The following NALF1 variants were observed in gnomAD, a reference collection of about 807,000 sequenced individuals.
NALF1 encodes the protein family with sequence similarity 155 member A.
In NALF1, 3 loss-of-function variants were observed where a neutral mutation model predicts 48.4. The ratio of observed to expected loss-of-function variants is 0.06; its 90% confidence interval spans 0.03 to 0.16. NALF1 has a LOEUF of 0.16. Among genes scored for constraint, NALF1 ranks in the 10% least tolerant of loss-of-function variants. The pLI, the probability that NALF1 is intolerant of heterozygous loss-of-function variation, is 1.00. For synonymous variants in NALF1, 262 were observed against 245.7 expected (o/e 1.07, Z -0.62); for missense variants, 526 against 571.5 (o/e 0.92, Z 0.81).
At chr13:107,646,405 G>A (rs1174110763) in intron 1 of NALF1, among the ~76,000 whole-genome samples, 1 of 151,868 alleles carries the variant, frequency 6.6e-6, no homozygotes, top group African/African-American at 2.4e-5. Context: ...AATGTCATCT[G>A]ATGGGATTTT....
intron 1 of NALF1, among the ~76,000 whole-genome samples, chr13:107,818,576 T>G (rs1353014319): frequency 6.6e-6 from 1 of 151,778 alleles, no homozygotes; most frequent in Non-Finnish European, 1.5e-5. Context: ...GAATTGGTCT[T>G]AAAAATCCAG....
chr13:107,655,525 G>C (rs189155839), intron 1 of NALF1, among the ~76,000 whole-genome samples: 1 of 152,122 alleles, frequency 6.6e-6, no homozygotes, highest in East Asian at 1.9e-4. Flanking sequence ...CAAACAAATG[G>C]AAACACATCC....
chr13:107,558,253 AC>A (rs1877539626), intron 1 of NALF1, among the ~76,000 whole-genome samples: 1 of 152,094 alleles, frequency 6.6e-6, no homozygotes, highest in African/African-American at 2.4e-5. Context: ...TGTTTGTGTT[AC>A]CAATTATTTT....
chr13:107,200,241 C>T (rs1879483405), intron 2 of NALF1, among the ~76,000 whole-genome samples: 2 of 152,166 alleles, frequency 1.3e-5, no homozygotes. Flanking sequence ...TCCTGGGAGC[C>T]ACAGTTACTT....
intron 1 of NALF1, among the ~76,000 whole-genome samples, chr13:107,286,480 A>G (rs1881494818): frequency 6.6e-6 from 1 of 151,776 alleles, no homozygotes; most frequent in African/African-American, 2.4e-5. Context: ...TAAAAAAAAT[A>G]CAAAAATTAT....
intron 1 of NALF1, among the ~76,000 whole-genome samples, chr13:107,789,532 C>T (rs1878169246): frequency 6.6e-6 from 1 of 152,170 alleles, no homozygotes; most frequent in Non-Finnish European, 1.5e-5. Context: ...ATGAGATATA[C>T]AGGCTAGAAA....
intron 1 of NALF1, among the ~76,000 whole-genome samples, chr13:107,730,556 G>A (rs1020189463): frequency 2.0e-5 from 3 of 152,106 alleles, no homozygotes; most frequent in African/African-American, 7.2e-5. Context: ...AATTCCTAAT[G>A]TTCCAAACTA....
At chr13:107,439,963 C>A (rs1240299059) in intron 1 of NALF1, among the ~76,000 whole-genome samples, 1 of 152,130 alleles carries the variant, frequency 6.6e-6, no homozygotes, top group Non-Finnish European at 1.5e-5. Context: ...GAAAAAAAAC[C>A]TACCTGCTTT....
chr13:107,187,822 C>A (rs1046017782), intron 2 of NALF1, among the ~76,000 whole-genome samples: 25 of 152,162 alleles, frequency 1.6e-4, no homozygotes, highest in African/African-American at 5.8e-4. Flanking sequence ...ATTCTCAACT[C>A]TGGCCTCTGT....
At chr13:107,621,280 T>C (rs1879510840) in intron 1 of NALF1, among the ~76,000 whole-genome samples, 1 of 152,198 alleles carries the variant, frequency 6.6e-6, no homozygotes. Flanking sequence ...TTTAAGTTAA[T>C]TTTTTCTAGT....
In NALF1 at chr13:107,288,526, C is replaced by CTT. The variant is rs368901866; in HGVS notation, c.916-77773_916-77772dup. ...TGAGCCACCGCGCCCAGCCTGAAAACTTTTTTTTTTTTTTTTGAGATGGTG... is the reference window on the plus strand; with the variant it reads ...TGAGCCACCGCGCCCAGCCTGAAAACTTTTTTTTTTTTTTTTTTGAGATGGTG... On this transcript the variant is annotated intron_variant, in intron 1 of 2. Transcript: ENST00000375915. 4.8e-3 allele frequency among the ~76,000 whole-genome samples: 569 copies of CTT among 119,112 alleles called. 5 individuals carry two copies. Among genetic ancestry groups the CTT allele is most frequent in the Middle Eastern group, 0.032 (5 of 156 alleles). The allele number at this position is 119,112 out of a possible 152,430, so 78.1% of individuals were successfully genotyped here.
At chr13:107,494,796 A>G (rs1220123713) in intron 1 of NALF1, among the ~76,000 whole-genome samples, 1 of 152,250 alleles carries the variant, frequency 6.6e-6, no homozygotes, top group Non-Finnish European at 1.5e-5. Context: ...GTGATTTTTA[A>G]TGACAGATAG....
intron 1 of NALF1, among the ~76,000 whole-genome samples, chr13:107,307,253 T>C (rs1481819034): frequency 6.6e-6 from 1 of 152,096 alleles, no homozygotes; most frequent in Non-Finnish European, 1.5e-5. Flanking sequence ...AGGTTGGAAA[T>C]CCCAGTGTCC....
intron 1 of NALF1, among the ~76,000 whole-genome samples, chr13:107,797,891 A>G (rs756272521): frequency 1.3e-5 from 2 of 152,202 alleles, no homozygotes; most frequent in Non-Finnish European, 2.9e-5. Context: ...AATACTTTCA[A>G]TGGAACTAAT....
intron 1 of NALF1, among the ~76,000 whole-genome samples, chr13:107,264,872 C>T (rs1291721128): frequency 1.3e-5 from 2 of 152,230 alleles, no homozygotes; most frequent in Non-Finnish European, 2.9e-5. Context: ...GCTTCATAAT[C>T]TAATTAACCA....
chr13:107,540,049 T>TACACACACACACACACAC (rs143201791), intron 1 of NALF1, among the ~76,000 whole-genome samples: 6,504 of 149,438 alleles, frequency 0.044, 144 homozygotes, highest in Middle Eastern at 0.063. Flanking sequence ...GCTTCTGATG[T>TACACACACACACACACAC]ACACACACAC....
At chr13:107,177,878 C>T (rs1238140075) in intron 2 of NALF1, among the ~76,000 whole-genome samples, 3 of 152,128 alleles carry the variant, frequency 2.0e-5, no homozygotes, top group Admixed American at 6.6e-5. Context: ...GGTGAAACCT[C>T]ATCTCTACTA....
At chr13:107,178,482 T>C (rs1249599545) in intron 2 of NALF1, among the ~76,000 whole-genome samples, 1 of 152,118 alleles carries the variant, frequency 6.6e-6, no homozygotes, top group Non-Finnish European at 1.5e-5. Context: ...ATCAGAGAAA[T>C]GCAAATCAAA....
At chr13:107,864,578 T>C (rs1260797594) in intron 1 of NALF1, among the ~76,000 whole-genome samples, 2 of 152,192 alleles carry the variant, frequency 1.3e-5, no homozygotes, top group Non-Finnish European at 2.9e-5. Flanking sequence ...ATTATTTCCC[T>C]TGAAAAGCAG....
Sources: allele counts gnomAD v4.1 joint callset (sites outside exome capture counted in the v4.1 genomes callset), GRCh38; gene constraint gnomAD v4.1.1; transcripts MANE v1.5; gene names NCBI Gene and HGNC (gene_info 2026-07-23, HGNC 2026-07-21).